The following ACBD6 variants were observed in gnomAD, a reference collection of about 807,000 sequenced individuals.
ACBD6 encodes acyl-CoA-binding domain-containing protein 6.
In ACBD6, 28 loss-of-function variants were observed where a neutral mutation model predicts 37.2. The ratio of observed to expected loss-of-function variants is 0.75; its 90% CI spans 0.56 to 1.03. The LOEUF (loss-of-function observed/expected upper bound fraction) is 1.03, where lower values mean the gene tolerates loss of function less well. Among genes scored for constraint, ACBD6 ranks in the 50% least tolerant of loss-of-function variants. ACBD6 has a pLI of 0.00. For missense variants in ACBD6, 340 were observed against 337.4 expected (o/e 1.01, Z -0.06); for synonymous variants, 113 against 126.8 (o/e 0.89, Z 0.73).
chr1:180,425,774 T>C (rs1165914736), intron 4 of ACBD6, among the ~76,000 whole-genome samples: 2 of 152,182 alleles, frequency 1.3e-5, no homozygotes, highest in Non-Finnish European at 2.9e-5. Flanking sequence ...TCCAATCATA[T>C]CTCTTTCAGG....
intron 8 of ACBD6, among the ~76,000 whole-genome samples, chr1:180,282,373 C>T (rs1323466721): frequency 1.3e-5 from 2 of 151,860 alleles, no homozygotes; most frequent in Non-Finnish European, 2.9e-5. Flanking sequence ...TCTTGGCACA[C>T]ATTTGGAGTT....
intron 3 of ACBD6, among the ~76,000 whole-genome samples, chr1:180,477,306 ATTT>A (rs917606180): frequency 6.6e-6 from 1 of 152,178 alleles, no homozygotes; most frequent in African/African-American, 2.4e-5. Flanking sequence ...ACTGCTATAC[ATTT>A]TTAAACCACA....
rs1476469753 is a variant in ACBD6 at position 180,492,370 on chromosome 1, A to G, written c.288-5T>C. On this transcript the variant is annotated splice_polypyrimidine_tract_variant and splice_region_variant and intron_variant, in intron 2 of 7. Transcript: ENST00000367595. ...CCAAGTGCTTTCCAAGCTTCCCTAC[A>G]ATATGGAATATCCAAAATGGCCTGT... is the stretch of plus-strand genomic sequence containing the variant. The G allele has an allele frequency of 1.9e-6, 3 of 1,611,444 alleles. No individual in the cohort carries two copies. The highest frequency in any genetic ancestry group is 2.2e-5 in the East Asian group (1 of 44,854).
chr1:180,299,101 T>C (rs1010438258), intron 7 of ACBD6, among the ~76,000 whole-genome samples: 1 of 152,252 alleles, frequency 6.6e-6, no homozygotes, highest in African/African-American at 2.4e-5. Context: ...TTTTGTATTC[T>C]CTTCTCCATC....
intron 6 of ACBD6, among the ~76,000 whole-genome samples, chr1:180,342,661 C>A (rs1057453475): frequency 6.6e-5 from 10 of 151,942 alleles, no homozygotes; most frequent in African/African-American, 2.4e-4. Flanking sequence ...TCTATAAAAT[C>A]TTTATTCTAT....
At chr1:180,498,508 T>C (rs1651820883) in intron 1 of ACBD6, among the ~76,000 whole-genome samples, 1 of 152,222 alleles carries the variant, frequency 6.6e-6, no homozygotes. Context: ...ACTTTGTGTG[T>C]ACTTCCCATC....
chr1:180,336,486 C>T (rs1651724890), intron 6 of ACBD6, among the ~76,000 whole-genome samples: 1 of 150,198 alleles, frequency 6.7e-6, no homozygotes, highest in African/African-American at 2.5e-5. Flanking sequence ...CACAACATAC[C>T]AGAATCTCTG....
rs774156277 is a variant in ACBD6, at chr1:180,274,431, C to T, written c.*936+220G>A. The T allele has an allele frequency of 3.5e-5, 57 of 1,614,062 alleles. No homozygotes were observed. In the Admixed American group the frequency reaches 4.2e-4, roughly 12 times the overall value. ...GTGGACAGTAATTTGGGCATCATTG[C>T]GCATGCAGGGCAGGGAGTAAGCCAG... On this transcript the variant is annotated intron_variant, in intron 10 of 13. Coordinates refer to the ACBD6 transcript ENST00000642319.
intron 3 of ACBD6, 119 bp downstream of exon 3, chr1:180,492,150 T>C (rs578157326): frequency 1.3e-6 from 1 of 770,368 alleles, no homozygotes; most frequent in South Asian, 1.6e-5. Flanking sequence ...AACTTTAAAA[T>C]ATTTCAAGAA....
chr1:180,417,032 A>T (rs968840741), intron 4 of ACBD6, among the ~76,000 whole-genome samples: 1 of 152,236 alleles, frequency 6.6e-6, no homozygotes, highest in African/African-American at 2.4e-5. Flanking sequence ...ATAAGTATTT[A>T]TTGCATGAAT....
chr1:180,484,864 G>C (rs1404326845), intron 3 of ACBD6, among the ~76,000 whole-genome samples: 2 of 152,008 alleles, frequency 1.3e-5, no homozygotes, highest in East Asian at 1.9e-4. Flanking sequence ...AGGAGTTCAA[G>C]ACCAGCCTGG....
intron 7 of ACBD6, among the ~76,000 whole-genome samples, chr1:180,307,484 T>C (rs1174515087): frequency 2.0e-5 from 3 of 152,154 alleles, no homozygotes; most frequent in Non-Finnish European, 4.4e-5. Flanking sequence ...AATTTAATTG[T>C]ATACTTCAAA....
chr1:180,442,851 C>T (rs1397372747), intron 3 of ACBD6, among the ~76,000 whole-genome samples: 1 of 152,108 alleles, frequency 6.6e-6, no homozygotes, highest in South Asian at 2.1e-4. Flanking sequence ...CATATGTTCA[C>T]TTTTTCCTCT....
intron 7 of ACBD6, among the ~76,000 whole-genome samples, chr1:180,306,964 GAA>G (rs1650405708): frequency 6.6e-6 from 1 of 152,106 alleles, no homozygotes; most frequent in Non-Finnish European, 1.5e-5. Flanking sequence ...TCAAAGAACT[GAA>G]AATAGGCTAC....
rs775301259 is a variant in ACBD6 at position 180,347,360 on chromosome 1, G to GTT, written c.664-32640_664-32639dup. ...CAAACACTTAATTTTTCAACAGAAA[G>GTT]TTTTTTTTTTTTTTTTTTTTTTGAG... On this transcript the variant is annotated intron_variant, in intron 6 of 7. Coordinates refer to ENST00000367595, the MANE Select transcript of ACBD6 (RefSeq NM_032360.4). Among the ~76,000 whole-genome samples, 121 of 49,052 alleles carry GTT rather than the reference G, an allele frequency of 2.5e-3. 2 individuals are homozygous for GTT. The highest frequency in any genetic ancestry group is 5.3e-3 in the African/African-American group (106 of 20,164). The allele number at this position is 49,052 out of a possible 152,430, so 32.2% of individuals were successfully genotyped here.
intron 6 of ACBD6, among the ~76,000 whole-genome samples, chr1:180,382,975 A>T (rs1008784102): frequency 1.3e-5 from 2 of 152,240 alleles, no homozygotes; most frequent in African/African-American, 4.8e-5. Context: ...ACACAGAAAA[A>T]GCATTTGATA....
chr1:180,430,286 GA>G, intron 3 of ACBD6, 24 bp from the exon 4 acceptor site: 1 of 1,581,746 alleles, frequency 6.3e-7, no homozygotes, highest in Non-Finnish European at 8.7e-7. Flanking sequence ...AAAAAAAAGT[GA>G]AAAAAAGACA....
chr1:180,494,030 A>G (rs1008061383), intron 2 of ACBD6, among the ~76,000 whole-genome samples: 4 of 152,172 alleles, frequency 2.6e-5, no homozygotes, highest in African/African-American at 9.7e-5. Flanking sequence ...CCCATCATCA[A>G]TAAGATTCAT....
At chr1:180,453,739 C>T (rs2102030791) in intron 3 of ACBD6, among the ~76,000 whole-genome samples, 1 of 152,254 alleles carries the variant, frequency 6.6e-6, no homozygotes, top group African/African-American at 2.4e-5. Flanking sequence ...CACAAGCATT[C>T]CTATAAACCA....
Sources: allele counts gnomAD v4.1 joint callset (sites outside exome capture counted in the v4.1 genomes callset), GRCh38; gene constraint gnomAD v4.1.1; transcripts MANE v1.5; gene names NCBI Gene and HGNC (gene_info 2026-07-23, HGNC 2026-07-21).